Variants in CCDC18 observed in about 807,000 individuals in gnomAD.
The protein encoded by CCDC18 is coiled-coil domain-containing protein 18.
Under a neutral mutation model 196.0 loss-of-function variants are expected in CCDC18, and 157 were observed. The ratio of observed to expected loss-of-function variants is 0.80; its 90% CI spans 0.70 to 0.91. The LOEUF is 0.91. Ranked by LOEUF, CCDC18 falls within the 40% of genes least tolerant of loss-of-function variation. The pLI is 0.00. For synonymous variants in CCDC18, 482 were observed against 529.2 expected, an observed-to-expected ratio of 0.91 and a Z score of 1.22; for missense variants, 1,465 against 1,611.6, an observed-to-expected ratio of 0.91 and a Z score of 1.56.
chr1:93,217,639 G>A (rs768496260), intron 13 of CCDC18, 99 bp from the exon 14 acceptor site: 40 of 957,702 alleles, frequency 4.2e-5, no homozygotes, highest in South Asian at 7.7e-5. Context: ...GGGTCTTGCC[G>A]TGTTTCCCAG....
At position 93,212,174 on chromosome 1, in the gene CCDC18, A is replaced by G. The variant is rs200910582; in HGVS notation, c.1408A>G (p.Ser470Gly). ...CCTGACTGCAAATCAGTTATCTCAG[A>G]GTCTTATTACTTGTAATGACAGCCA... ...ANLTANQLSQ[S>G]LITCNDSQES... The change falls in exon 11 of 29, where the codon AGT becomes GGT. Residue 470 changes from serine (S) to glycine (G), a missense_variant. By Grantham distance (56) the Ser-to-Gly change is moderately conservative. Coordinates refer to ENST00000690025, the MANE Select transcript of CCDC18 (RefSeq NM_001378204.1). The G allele has an allele frequency of 6.2e-7, 1 of 1,611,268 alleles. No individual in the cohort carries two copies. The highest frequency in any genetic ancestry group is 2.2e-5 in the East Asian group (1 of 44,704).
chr1:93,193,244 A>G (rs1428321184), intron 5 of CCDC18, among the ~76,000 whole-genome samples: 2 of 152,168 alleles, frequency 1.3e-5, no homozygotes, highest in African/African-American at 4.8e-5. Flanking sequence ...CAGCATTTAT[A>G]CTACTTATTA....
intron 14 of CCDC18, 141 bp from the exon 15 acceptor site, chr1:93,221,468 C>G (rs1178239903): frequency 2.0e-6 from 1 of 497,808 alleles, no homozygotes; most frequent in Non-Finnish European, 3.3e-6. Context: ...TCATTTCTTC[C>G]TTAAAAAGAG....
chr1:93,225,545 G>C (rs1450192978), intron 16 of CCDC18, among the ~76,000 whole-genome samples: 1 of 152,188 alleles, frequency 6.6e-6, no homozygotes, highest in Admixed American at 6.5e-5. Flanking sequence ...GGGAGGCCAA[G>C]GCGGGTGGAT....
chr1:93,192,444 A>AT (rs1233697516), intron 5 of CCDC18, among the ~76,000 whole-genome samples: 1 of 152,164 alleles, frequency 6.6e-6, no homozygotes, highest in Non-Finnish European at 1.5e-5. Context: ...CACTTTTATT[A>AT]TTTTTACAGA....
intron 24 of CCDC18, 117 bp from the exon 25 acceptor site, chr1:93,256,215 CATT>C: frequency 1.3e-6 from 1 of 759,986 alleles, no homozygotes; most frequent in Non-Finnish European, 2.2e-6. Context: ...TTAACATACT[CATT>C]GTATGTTAAA....
chr1:93,258,756 T>G lies in CCDC18; in HGVS notation c.3555T>G (p.His1185Gln). Residue 1185 changes from histidine (H) to glutamine (Q), a missense_variant, in exon 26 of 29, where the codon CAT (histidine) becomes CAG (glutamine). By Grantham distance (24) the His-to-Gln change is conservative. Coordinates refer to ENST00000690025, the MANE Select transcript of CCDC18 (RefSeq NM_001378204.1). ...MKQLSKEKDA[H>Q]GNHLAEELGA... ...AATATGTCATTTTTAAGGATGCTCA[T>G]GGAAACCATTTAGCTGAAGAACTGG... is the stretch of plus-strand genomic sequence containing the variant. The G allele has an allele frequency of 7.7e-6, 12 of 1,550,818 alleles. No individual in the cohort carries two copies. Among genetic ancestry groups the G allele is most frequent in the Non-Finnish European group, 1.0e-5 (12 of 1,152,510 alleles).
At position 93,240,181 on chromosome 1, in the gene CCDC18, A is replaced by G. The variant is rs567284946; in HGVS notation, c.2981+285A>G. On this transcript the variant is annotated intron_variant, in intron 21 of 28. Transcript: ENST00000690025. ...ACAGCAGGAGGATATTAATAATGAT[A>G]ATATTGTTCTTTGTATTAAGTCCTT... is the stretch of plus-strand genomic sequence containing the variant. 4.6e-5 allele frequency among the ~76,000 whole-genome samples: 7 copies of G among 152,344 alleles called. No individual in the cohort carries two copies. In the South Asian group the frequency reaches 1.4e-3, roughly 32 times the overall value.
intron 7 of CCDC18, among the ~76,000 whole-genome samples, chr1:93,202,484 G>T (rs1653997042): frequency 6.6e-6 from 1 of 152,030 alleles, no homozygotes; most frequent in Non-Finnish European, 1.5e-5. Flanking sequence ...ATATCACATG[G>T]TAATGAAATG....
chr1:93,275,719 G>C (rs1281909264), intron 28 of CCDC18, among the ~76,000 whole-genome samples: 3 of 152,174 alleles, frequency 2.0e-5, no homozygotes, highest in Non-Finnish European at 4.4e-5. Context: ...AGGAAAATAA[G>C]CAGGAGCATA....
intron 26 of CCDC18, among the ~76,000 whole-genome samples, chr1:93,264,362 A>C (rs2101317969): frequency 6.6e-6 from 1 of 152,266 alleles, no homozygotes; most frequent in Non-Finnish European, 1.5e-5. Flanking sequence ...CACACCTAAA[A>C]ATTGACAGTG....
Position 93,278,706 on chromosome 1 carries a change from A to G in CCDC18, c.*229A>G, listed in dbSNP as rs957534116. The G allele has an allele frequency of 2.7e-5, 9 of 331,666 alleles. No homozygotes were observed. Among genetic ancestry groups the G allele is most frequent in the Non-Finnish European group, 4.3e-5 (8 of 187,456 alleles). 20.5% of individuals were successfully genotyped at this position (331,666 alleles called of 1,614,324 possible). A position where few individuals can be genotyped will look rare whatever the true frequency, so the allele number is the denominator to read the frequency against. On this transcript the variant is annotated 3_prime_UTR_variant, in exon 29 of 29. Coordinates refer to ENST00000690025, the MANE Select transcript of CCDC18 (RefSeq NM_001378204.1). ...AACTTGCTGCTTTCTTTTGCTTTTT[A>G]TATAAAAATCATTGTTAAAATGCAT...
intron 6 of CCDC18, among the ~76,000 whole-genome samples, chr1:93,197,879 G>C (rs1653034591): frequency 6.7e-6 from 1 of 149,070 alleles, no homozygotes; most frequent in Non-Finnish European, 1.5e-5. Context: ...AGCCTCTCTA[G>C]TAGCTGGGAC....
At chr1:93,240,822 T>A (rs1467674425) in intron 21 of CCDC18, among the ~76,000 whole-genome samples, 1 of 152,218 alleles carries the variant, frequency 6.6e-6, no homozygotes, top group East Asian at 1.9e-4. Flanking sequence ...AGGACTCATA[T>A]TTTCTCATAA....
intron 6 of CCDC18, among the ~76,000 whole-genome samples, chr1:93,196,742 T>C (rs1044085316): frequency 6.6e-6 from 1 of 152,194 alleles, no homozygotes; most frequent in African/African-American, 2.4e-5. Context: ...CAGTTTGAAA[T>C]TGACATTCTT....
intron 21 of CCDC18, among the ~76,000 whole-genome samples, chr1:93,244,292 T>A (rs1661209648): frequency 6.6e-6 from 1 of 152,204 alleles, no homozygotes; most frequent in Non-Finnish European, 1.5e-5. Context: ...TACCTCCCAC[T>A]GGGTTTCTCC....
chr1:93,201,487 T>C (rs1177999284), intron 6 of CCDC18, among the ~76,000 whole-genome samples: 1 of 152,092 alleles, frequency 6.6e-6, no homozygotes, highest in Non-Finnish European at 1.5e-5. Context: ...ATTTGACCTT[T>C]GCAAAGGTCA....
At chr1:93,212,341 ATTTT>A in intron 11 of CCDC18, 80 bp downstream of exon 11, 1 of 919,584 alleles carries the variant, frequency 1.1e-6, no homozygotes, top group Non-Finnish European at 1.5e-6. Flanking sequence ...TTTTATTTAA[ATTTT>A]TTTTTTAATT....
rs1276771278 is a variant in CCDC18 at position 93,183,441 on chromosome 1, A to G, written c.80A>G (p.His27Arg). The G allele has an allele frequency of 1.9e-6, 3 of 1,608,778 alleles. No individual in the cohort carries two copies. The highest frequency in any genetic ancestry group is 2.2e-5 in the East Asian group (1 of 44,604). ...CTTGCAAATGTTGCTTCCTTAAGACATGAACTGAAGATAACAGAATGGAGT... is the reference window on the plus strand; with the variant it reads ...CTTGCAAATGTTGCTTCCTTAAGACGTGAACTGAAGATAACAGAATGGAGT... Reference protein sequence around the residue: ...SLLANVASLRHELKITEWSLQ... With the variant: ...SLLANVASLRRELKITEWSLQ... The change falls in exon 2 of 29, where the codon CAT becomes CGT. Residue 27 changes from histidine to arginine, a missense_variant. By Grantham distance (29) the His-to-Arg change is conservative. Coordinates refer to ENST00000690025, the MANE Select transcript of CCDC18 (RefSeq NM_001378204.1).
Sources: gnomAD v4.1 joint callset for allele counts (sites outside exome capture counted in the v4.1 genomes callset) on GRCh38, gnomAD v4.1.1 for gene constraint, MANE v1.5 for transcripts, NCBI Gene and HGNC (gene_info 2026-07-23, HGNC 2026-07-21) for gene names.